KYNU: variants seen among roughly 807,000 people sequenced by gnomAD.
KYNU encodes kynureninase.
Under a neutral mutation model 59.2 loss-of-function variants are expected in KYNU, and 54 were observed. The ratio of observed to expected loss-of-function variants is 0.91; its 90% CI spans 0.73 to 1.14. The LOEUF (loss-of-function observed/expected upper bound fraction) is 1.14. Among genes scored for constraint, KYNU ranks in the 50% most tolerant of loss-of-function variants. KYNU has a pLI of 0.00. For missense variants in KYNU, 567 were observed against 554.4 expected (o/e 1.02, Z -0.23); for synonymous variants, 177 against 192.0 (o/e 0.92, Z 0.65).
At chr2:142,902,749 T>C (rs928572654) in intron 2 of KYNU, among the ~76,000 whole-genome samples, 12 of 152,170 alleles carry the variant, frequency 7.9e-5, no homozygotes, top group African/African-American at 2.9e-4. Context: ...CAGCTAGAAG[T>C]AGATTATCCA....
intron 2 of KYNU, among the ~76,000 whole-genome samples, chr2:142,897,315 C>T (rs965303789): frequency 2.6e-5 from 4 of 152,164 alleles, no homozygotes; most frequent in Admixed American, 6.5e-5. Flanking sequence ...GACCTAGTTC[C>T]TCAGAGGACC....
intron 2 of KYNU, among the ~76,000 whole-genome samples, chr2:142,893,463 T>C (rs1354295633): frequency 6.6e-6 from 1 of 152,190 alleles, no homozygotes; most frequent in Non-Finnish European, 1.5e-5. Flanking sequence ...ACAGCTTCAC[T>C]GGAATGACAG....
intron 2 of KYNU, among the ~76,000 whole-genome samples, chr2:142,898,074 A>T (rs765534656): frequency 2.6e-4 from 39 of 151,928 alleles, no homozygotes; most frequent in Non-Finnish European, 4.9e-4. Flanking sequence ...GCTAATTTTT[A>T]AAAATTTTTC....
intron 7 of KYNU, among the ~76,000 whole-genome samples, chr2:142,958,900 T>C (rs1684252079): frequency 6.6e-6 from 1 of 152,208 alleles, no homozygotes; most frequent in African/African-American, 2.4e-5. Flanking sequence ...GTAAACCTTA[T>C]TAGATTGTTT....
intron 12 of KYNU, among the ~76,000 whole-genome samples, chr2:143,033,567 A>G (rs1686818424): frequency 6.6e-6 from 1 of 151,992 alleles, no homozygotes; most frequent in African/African-American, 2.4e-5. Flanking sequence ...ATTAAATGGA[A>G]CTCTTTTGGG....
intron 10 of KYNU, among the ~76,000 whole-genome samples, chr2:143,015,796 C>T (rs1686230869): frequency 6.6e-6 from 1 of 152,058 alleles, no homozygotes; most frequent in African/African-American, 2.4e-5. Flanking sequence ...ACACTGGAAT[C>T]AGTGACGTCA....
chr2:142,907,948 GCTTAC>G (rs1682355311), intron 2 of KYNU, among the ~76,000 whole-genome samples: 1 of 152,138 alleles, frequency 6.6e-6, no homozygotes, highest in African/African-American at 2.4e-5. Context: ...AAAAATTAGA[GCTTAC>G]CTTTGCTTTT....
In KYNU at chr2:142,899,987, C is replaced by T. The variant is rs115241087; in HGVS notation, c.169+14451C>T. On this transcript the variant is annotated intron_variant, in intron 2 of 13. Coordinates refer to ENST00000264170, the MANE Select transcript of KYNU (RefSeq NM_003937.3). ...TGGTGGCAGGCCCCTTCCAAGATAGCGGCAAGCCTCTTGTTCTCTGACCTG... is the reference window on the plus strand; with the variant it reads ...TGGTGGCAGGCCCCTTCCAAGATAGTGGCAAGCCTCTTGTTCTCTGACCTG... Among the ~76,000 whole-genome samples the T allele has an allele frequency of 7.7e-3, 1,172 of 152,242 alleles. 7 individuals are homozygous for T. Among genetic ancestry groups the T allele is most frequent in the African/African-American group, 0.027 (1,113 of 41,550 alleles).
At chr2:142,949,579 C>T (rs888623312) in intron 4 of KYNU, among the ~76,000 whole-genome samples, 3 of 152,266 alleles carry the variant, frequency 2.0e-5, no homozygotes, top group Non-Finnish European at 4.4e-5. Flanking sequence ...GTACCTTGGC[C>T]CCTTTCATCC....
At chr2:142,930,603 C>A (rs1683177758) in intron 4 of KYNU, among the ~76,000 whole-genome samples, 1 of 152,170 alleles carries the variant, frequency 6.6e-6, no homozygotes, top group South Asian at 2.1e-4. Context: ...ACTATGTCCT[C>A]ACATGGCCTT....
chr2:143,003,539 G>A (rs370182225), intron 10 of KYNU, among the ~76,000 whole-genome samples: 3 of 152,158 alleles, frequency 2.0e-5, no homozygotes, highest in African/African-American at 4.8e-5. Context: ...CTGAGATCAC[G>A]CCACTGCACT....
chr2:143,006,472 C>G (rs919804019), intron 10 of KYNU, among the ~76,000 whole-genome samples: 10 of 143,364 alleles, frequency 7.0e-5, no homozygotes, highest in African/African-American at 2.6e-4. Context: ...GGCAGCGAGG[C>G]TGGGGGAGGG....
In KYNU at chr2:143,042,367, T is replaced by A; in HGVS notation, c.*195T>A. The A allele has an allele frequency of 3.6e-6, 2 of 549,400 alleles. No homozygotes were observed. Among genetic ancestry groups the A allele is most frequent in the Non-Finnish European group, 6.3e-6 (2 of 317,156 alleles). 34.0% of individuals were successfully genotyped at this position (549,400 alleles called of 1,614,324 possible). On this transcript the variant is annotated 3_prime_UTR_variant, in exon 14 of 14. Transcript: ENST00000264170. ...TAAGGAGTCCACAGGGCTGCCTAGG[T>A]GCTTTGTGTTTGGGGGACCAAAACT...
chr2:142,999,585 C>A (rs972839564), intron 10 of KYNU, among the ~76,000 whole-genome samples: 1 of 152,044 alleles, frequency 6.6e-6, no homozygotes. Flanking sequence ...GGGAAACAGG[C>A]TCTCTAATAT....
At chr2:142,883,186 C>CTTTTTTTTTTTT in intron 1 of KYNU, among the ~76,000 whole-genome samples, 1 of 72,034 alleles carries the variant, frequency 1.4e-5, no homozygotes, top group Non-Finnish European at 2.4e-5. Context: ...TCCCAAATTT[C>CTTTTTTTTTTTT]TTTTTTTTTT....
intron 2 of KYNU, among the ~76,000 whole-genome samples, chr2:142,889,161 C>A (rs1228848808): frequency 6.6e-6 from 1 of 151,916 alleles, no homozygotes; most frequent in African/African-American, 2.4e-5. Flanking sequence ...AGGGGCATGG[C>A]TGATGTTTCT....
At chr2:143,030,021 T>C (rs1001320376) in intron 11 of KYNU, among the ~76,000 whole-genome samples, 1 of 152,226 alleles carries the variant, frequency 6.6e-6, no homozygotes, top group African/African-American at 2.4e-5. Context: ...CAGAAAGACC[T>C]GGGTGTTAAT....
intron 4 of KYNU, among the ~76,000 whole-genome samples, chr2:142,953,343 A>T (rs1406755688): frequency 6.6e-6 from 1 of 152,236 alleles, no homozygotes; most frequent in Non-Finnish European, 1.5e-5. Context: ...TAAGGGCAGG[A>T]TTTATGGTAG....
At chr2:142,938,047 T>G (rs182258414) in intron 4 of KYNU, among the ~76,000 whole-genome samples, 1 of 152,314 alleles carries the variant, frequency 6.6e-6, no homozygotes, top group East Asian at 1.9e-4. Flanking sequence ...TTCGGTAATT[T>G]TTTTTTACGG....
Sources: gnomAD v4.1 joint callset for allele counts (sites outside exome capture counted in the v4.1 genomes callset) on GRCh38, gnomAD v4.1.1 for gene constraint, MANE v1.5 for transcripts, NCBI Gene and HGNC (gene_info 2026-07-23, HGNC 2026-07-21) for gene names.